CD33: variants seen among roughly 807,000 people sequenced by gnomAD.
CD33 encodes CD33 molecule.
A neutral mutation model predicts 31.4 loss-of-function variants in CD33; 25 were observed. That is an observed-to-expected ratio of 0.80 (90% confidence interval 0.58 to 1.11). The LOEUF (loss-of-function observed/expected upper bound fraction) is 1.11. CD33 is among the 50% of genes most tolerant of loss of function. The probability of loss-of-function intolerance (pLI) is 0.00; values close to 1 mark genes in which losing one functional copy is unlikely to be tolerated. For missense variants in CD33, 407 were observed against 448.1 expected (o/e 0.91, Z 0.83); for synonymous variants, 176 against 180.6 (o/e 0.97, Z 0.20).
chr19:51,236,107 G>T (rs144242347), intron 6 of CD33: 17 of 454,942 alleles, frequency 3.7e-5, no homozygotes, highest in Non-Finnish European at 6.5e-5. Flanking sequence ...GTAGTGAGCC[G>T]ACATAGCACC....
At chr19:51,212,089 C>T in the CD33 span, 29,332 of 690,408 alleles carry the variant, frequency 0.042, 976 homozygotes, top group African/African-American at 0.12. Context: ...TGGGCCAGGA[C>T]GCCTGGGTCC....
At position 51,227,811 on chromosome 19, in the gene CD33, C is replaced by A. The variant is rs7245481; in HGVS notation, c.745+1455C>A. ...ATTTTTCCAGACCAATGTCCTAAAG[C>A]ATTTCCCCTATGTTTTTTTCTAGTA... On this transcript the variant is annotated intron_variant, in intron 4 of 6. Transcript: ENST00000262262. Among the ~76,000 whole-genome samples the A allele has an allele frequency of 3.7e-3, 563 of 152,222 alleles. 2 individuals are homozygous for A. The highest frequency in any genetic ancestry group is 0.013 in the African/African-American group (537 of 41,540).
chr19:51,226,108 T>G, intron 3 of CD33, 27 bp downstream of exon 3: 1 of 1,609,518 alleles, frequency 6.2e-7, no homozygotes, highest in South Asian at 1.1e-5. Context: ...GATGCTGGGG[T>G]CCCTGAGGGT....
chr19:51,231,618 G>A (rs1035580063), intron 4 of CD33, among the ~76,000 whole-genome samples: 1 of 67,232 alleles, frequency 1.5e-5, no homozygotes, highest in Non-Finnish European at 3.5e-5. Flanking sequence ...TTTTTTTTTT[G>A]TAGTGATAAG....
chr19:51,225,339 C>A lies in CD33; in HGVS notation c.159C>A (p.Asn53Lys). 2 of 1,614,204 alleles carry A rather than the reference C, an allele frequency of 1.2e-6. No individual in the cohort carries two copies. Among genetic ancestry groups the A allele is most frequent in the Non-Finnish European group, 1.7e-6 (2 of 1,180,040 alleles). ...ATCCCATACCCTACTACGACAAGAA[C>A]TCCCCAGTTCATGGTTACTGGTTCC... ...FFHPIPYYDK[N>K]SPVHGYWFRE... The change falls in exon 2 of 7, where the codon AAC becomes AAA. Residue 53 changes from asparagine to lysine, a missense_variant. Asn to Lys is a moderately conservative substitution (Grantham distance 94, BLOSUM62 0). Transcript: ENST00000262262.
At chr19:51,235,386 C>T in intron 5 of CD33, 133 bp downstream of exon 5, 1 of 1,209,714 alleles carries the variant, frequency 8.3e-7, no homozygotes, top group Non-Finnish European at 1.2e-6. Context: ...CAGCCTGTGG[C>T]CACTGGGATA....
At chr19:51,230,786 T>C (rs192111845) in intron 4 of CD33, among the ~76,000 whole-genome samples, 5 of 152,324 alleles carry the variant, frequency 3.3e-5, no homozygotes, top group African/African-American at 1.2e-4. Context: ...AGTATATAGC[T>C]GTGTTGGTAG....
chr19:51,235,679 G>A lies in CD33; in HGVS notation c.924+3G>A. ...CTACCACAGGGTCAGCCTCCCCGGT[G>A]AGTGATGGGGCATCCTGGCATCCAG... On this transcript the variant is annotated splice_donor_region_variant and intron_variant, in intron 6 of 6. Transcript: ENST00000262262. The A allele has an allele frequency of 6.2e-7, 1 of 1,611,184 alleles. No homozygotes were observed.
chr19:51,211,715 G>A, the CD33 span: 11 of 818,338 alleles, frequency 1.3e-5, no homozygotes, highest in Admixed American at 2.3e-5. Flanking sequence ...GGGAGGACCC[G>A]GACCAGAACC....
At chr19:51,229,162 T>C (rs976777485) in intron 4 of CD33, among the ~76,000 whole-genome samples, 3 of 152,276 alleles carry the variant, frequency 2.0e-5, no homozygotes, top group African/African-American at 7.2e-5. Context: ...ATACGGTTTA[T>C]GTCCTTCATT....
rs188637438 is a variant in CD33, at chr19:51,226,300, C to T, written c.698-9C>T. On this transcript the variant is annotated splice_polypyrimidine_tract_variant and intron_variant, in intron 3 of 6. Coordinates refer to ENST00000262262, the MANE Select transcript of CD33 (RefSeq NM_001772.4). ...CCCAACTGAAGGAAATCCTCTCTTC[C>T]TCTCCTAGATGTTCCACAGAACCCA... The T allele has an allele frequency of 5.4e-5, 87 of 1,613,380 alleles. 1 individual carries two copies. In the African/African-American group the frequency reaches 1.1e-3, roughly 21 times the overall value.
chr19:51,211,253 C>G, the CD33 span: 1 of 1,571,932 alleles, frequency 6.4e-7, no homozygotes, highest in Non-Finnish European at 8.6e-7. Context: ...GTGCAGGAGT[C>G]AGTGACGGTA....
intron 6 of CD33, chr19:51,236,687 C>T (rs1981828363): frequency 6.6e-6 from 1 of 152,360 alleles, no homozygotes; most frequent in South Asian, 2.1e-4. Context: ...GCTGATGGCA[C>T]TCTTGTCCCC....
At chr19:51,233,649 A>C (rs1269104714) in intron 4 of CD33, among the ~76,000 whole-genome samples, 1 of 152,230 alleles carries the variant, frequency 6.6e-6, no homozygotes, top group Non-Finnish European at 1.5e-5. Flanking sequence ...AATTCCTGGC[A>C]GCTCTTCCAA....
chr19:51,229,230 C>G (rs961101313), intron 4 of CD33, among the ~76,000 whole-genome samples: 1 of 152,190 alleles, frequency 6.6e-6, no homozygotes, highest in African/African-American at 2.4e-5. Flanking sequence ...TCTTGCCTTT[C>G]TGGGATTAAT....
intron 4 of CD33, among the ~76,000 whole-genome samples, chr19:51,234,351 T>A (rs914250676): frequency 2.0e-5 from 3 of 152,204 alleles, no homozygotes; most frequent in Admixed American, 6.5e-5. Flanking sequence ...ACAGGCTTTT[T>A]AAAAATGTAT....
upstream of CD33, among the ~76,000 whole-genome samples, chr19:51,222,812 C>T (rs1028566765): frequency 6.6e-6 from 1 of 152,144 alleles, no homozygotes; most frequent in African/African-American, 2.4e-5. Context: ...AGTAGGTGTG[C>T]TTTATTTCAT....
chr19:51,217,997 A>T, the CD33 span, among the ~76,000 whole-genome samples: 1 of 152,236 alleles, frequency 6.6e-6, no homozygotes. Context: ...TGCTACAAAC[A>T]TACGAGTGCA....
At chr19:51,216,222 G>GTGT in the CD33 span, among the ~76,000 whole-genome samples, 5 of 11,200 alleles carry the variant, frequency 4.5e-4, no homozygotes, top group Admixed American at 6.9e-3. Flanking sequence ...AATGTCACCC[G>GTGT]AGTGTGTGTG....
Sources: allele counts gnomAD v4.1 joint callset (sites outside exome capture counted in the v4.1 genomes callset), GRCh38; gene constraint gnomAD v4.1.1; transcripts MANE v1.5; gene names NCBI Gene and HGNC (gene_info 2026-07-23, HGNC 2026-07-21).